MS4A10: variants seen among roughly 807,000 people sequenced by gnomAD.
MS4A10 encodes the protein membrane spanning 4-domains A10.
MS4A10 carries 27 observed loss-of-function variants against 27.7 expected under a neutral mutation model. The observed-to-expected ratio is 0.98, with a 90% confidence interval of 0.72 to 1.35. The LOEUF is 1.35. MS4A10 is among the 40% of genes most tolerant of loss of function. The probability of loss-of-function intolerance (pLI) is 0.00; values close to 1 mark genes in which losing one functional copy is unlikely to be tolerated. For missense variants in MS4A10, 338 were observed against 324.7 expected, an observed-to-expected ratio of 1.04 and a Z score of -0.32; for synonymous variants, 139 against 131.2, an observed-to-expected ratio of 1.06 and a Z score of -0.41.
At position 60,798,251 on chromosome 11, in the gene MS4A10, G is replaced by A. The variant is rs529607819; in HGVS notation, c.604-145G>A. 1.8e-4 allele frequency: 119 copies of A among 647,678 alleles called. No homozygotes were observed. In the South Asian group the frequency reaches 2.1e-3, roughly 11 times the overall value. The allele number at this position is 647,678 out of a possible 1,614,324, so 40.1% of individuals were successfully genotyped here. ...GGAGGGAGTCACACACTGGTCTATG[G>A]AAGTCGCTTCGTCTCTCAAGCCTCA... On this transcript the variant is annotated intron_variant, in intron 6 of 7. Transcript: ENST00000308287.
chr11:60,786,159 G>A (rs916397336), intron 1 of MS4A10, among the ~76,000 whole-genome samples: 5 of 143,720 alleles, frequency 3.5e-5, no homozygotes, highest in South Asian at 2.1e-4. Context: ...GCATGCACAT[G>A]CATGCACACA....
At chr11:60,790,205 AG>A (rs1399547804) in intron 1 of MS4A10, 108 bp from the exon 2 acceptor site, 1 of 908,452 alleles carries the variant, frequency 1.1e-6, no homozygotes, top group Non-Finnish European at 1.7e-6. Context: ...GGGCAACCAC[AG>A]TTCTGGAAAG....
intron 4 of MS4A10, among the ~76,000 whole-genome samples, chr11:60,792,611 C>G (rs184343146): frequency 1.3e-5 from 2 of 152,338 alleles, no homozygotes; most frequent in South Asian, 2.1e-4. Context: ...ATCTAGGACA[C>G]AACTTTGCTT....
At chr11:60,794,212 T>G in intron 5 of MS4A10, 109 bp downstream of exon 5, 1 of 1,308,740 alleles carries the variant, frequency 7.6e-7, no homozygotes, top group Non-Finnish European at 1.1e-6. Flanking sequence ...AGCCCAGGTG[T>G]GGGCTGCTGG....
chr11:60,797,361 T>C (rs1435409275), intron 6 of MS4A10, among the ~76,000 whole-genome samples: 1 of 152,212 alleles, frequency 6.6e-6, no homozygotes, highest in African/African-American at 2.4e-5. Context: ...AAATGACACC[T>C]GTATTACCCT....
At chr11:60,793,873 C>T in intron 4 of MS4A10, 99 bp from the exon 5 acceptor site, 2 of 1,382,594 alleles carry the variant, frequency 1.4e-6, no homozygotes, top group African/African-American at 1.4e-5. Flanking sequence ...CAGAGTCTCT[C>T]CTGAGGCTAC....
At chr11:60,795,476 C>T in intron 5 of MS4A10, 79 bp from the exon 6 acceptor site, 1 of 892,676 alleles carries the variant, frequency 1.1e-6, no homozygotes, top group South Asian at 2.6e-5. Flanking sequence ...AGCAAGGACC[C>T]CTGCCTGGCT....
rs1441240277 is a variant in MS4A10, at chr11:60,800,872, C to T, written c.*963C>T. ...GCTGTGGTGCAATCTCGGCTCACTGCAACCTCTGCCTCCCGAGTTCAAGCA... is the reference window on the plus strand; with the variant it reads ...GCTGTGGTGCAATCTCGGCTCACTGTAACCTCTGCCTCCCGAGTTCAAGCA... On this transcript the variant is annotated 3_prime_UTR_variant, in exon 8 of 8. Coordinates refer to ENST00000308287, the MANE Select transcript of MS4A10 (RefSeq NM_206893.4). The T allele has an allele frequency of 6.7e-6, 1 of 149,900 alleles. No individual in the cohort carries two copies. The highest frequency in any genetic ancestry group is 2.1e-4 in the South Asian group (1 of 4,654). The allele number at this position is 149,900 out of a possible 1,614,324, so 9.3% of individuals were successfully genotyped here. A position where few individuals can be genotyped will look rare whatever the true frequency, so the allele number is the denominator to read the frequency against.
At chr11:60,788,201 C>A (rs912436571) in intron 1 of MS4A10, among the ~76,000 whole-genome samples, 2 of 152,130 alleles carry the variant, frequency 1.3e-5, no homozygotes, top group Non-Finnish European at 2.9e-5. Context: ...GACCATGGAA[C>A]CCTTTTACTG....
Position 60,795,910 on chromosome 11 carries a change from A to T in MS4A10, c.603+245A>T, listed in dbSNP as rs10466665. 9.2e-5 allele frequency among the ~76,000 whole-genome samples: 14 copies of T among 152,152 alleles called. No homozygotes were observed. The East Asian group carries it at 2.7e-3, about 29-fold the overall frequency. ...CAGAGAGGAAACTCCATGGGTGCCC[A>T]GAACAAGAGGCTACTGTGCTGCCAG... On this transcript the variant is annotated intron_variant, in intron 6 of 7. Coordinates refer to ENST00000308287, the MANE Select transcript of MS4A10 (RefSeq NM_206893.4).
In MS4A10 at chr11:60,799,954, C is replaced by T. The variant is rs1366356072; in HGVS notation, c.*45C>T. On this transcript the variant is annotated 3_prime_UTR_variant, in exon 8 of 8. Coordinates refer to ENST00000308287, the MANE Select transcript of MS4A10 (RefSeq NM_206893.4). Reference sequence around the variant, plus strand: ...GCCCAAACTTGGTTGGAGCATAGCCCCTGCTCTCCCAAAGTTGCACTTTCA... The same window carrying T: ...GCCCAAACTTGGTTGGAGCATAGCCTCTGCTCTCCCAAAGTTGCACTTTCA... 1.2e-5 allele frequency: 19 copies of T among 1,613,368 alleles called. No individual in the cohort carries two copies. The highest frequency in any genetic ancestry group is 1.6e-5 in the Non-Finnish European group (19 of 1,179,660).
chr11:60,799,026 G>A (rs1291404573), intron 7 of MS4A10, among the ~76,000 whole-genome samples: 2 of 152,232 alleles, frequency 1.3e-5, no homozygotes, highest in Admixed American at 6.5e-5. Context: ...GATTTGGGCT[G>A]AGGGCAGCTG....
At chr11:60,793,769 C>A (rs1165519807) in intron 4 of MS4A10, among the ~76,000 whole-genome samples, 1 of 152,204 alleles carries the variant, frequency 6.6e-6, no homozygotes. Flanking sequence ...GCTGGACCCT[C>A]CTCAGTGGTC....
intron 4 of MS4A10, 134 bp from the exon 5 acceptor site, chr11:60,793,838 A>AG: frequency 6.2e-6 from 6 of 974,650 alleles, no homozygotes; most frequent in Non-Finnish European, 9.3e-6. Flanking sequence ...TGACAGGCAG[A>AG]GGGGGCCTTG....
chr11:60,791,199 G>A (rs892806899), intron 3 of MS4A10, 106 bp downstream of exon 3: 41 of 1,456,818 alleles, frequency 2.8e-5, no homozygotes, highest in Non-Finnish European at 3.2e-5. Flanking sequence ...AGAGCTAATA[G>A]GAGTGCGGCA....
intron 3 of MS4A10, 142 bp from the exon 4 acceptor site, chr11:60,792,123 C>T (rs1365770162): frequency 4.4e-6 from 3 of 682,256 alleles, no homozygotes; most frequent in East Asian, 2.6e-5. Context: ...GCAAGAGGAG[C>T]TCACTTTGCT....
intron 4 of MS4A10, among the ~76,000 whole-genome samples, chr11:60,793,644 G>A (rs1432499322): frequency 6.6e-6 from 1 of 152,242 alleles, no homozygotes; most frequent in Non-Finnish European, 1.5e-5. Context: ...GATGTAGGAT[G>A]GTCGGGGCTG....
intron 1 of MS4A10, among the ~76,000 whole-genome samples, chr11:60,786,679 G>C (rs560598351): frequency 6.6e-6 from 1 of 151,114 alleles, no homozygotes; most frequent in Middle Eastern, 3.4e-3. Context: ...TGATAGGGAT[G>C]GGGTGTACCA....
Position 60,795,601 on chromosome 11 carries a change from T to C in MS4A10, c.539T>C (p.Leu180Pro), listed in dbSNP as rs1366629663. The stretch of plus-strand genomic sequence containing the variant: ...CTGGCCTTGCTCTGCTTCACTGTCC[T>C]AGAGCTCTTCCTGCCAGTGCCCACA... Reference protein sequence around the residue: ...LELALLCFTVLELFLPVPTAV... With the variant: ...LELALLCFTVPELFLPVPTAV... Residue 180 changes from leucine (L) to proline (P), a missense_variant, in exon 6 of 8, where the codon CTA (leucine) becomes CCA (proline). By Grantham distance (98) the Leu-to-Pro change is moderately conservative (BLOSUM62 -3). Transcript: ENST00000308287. 1.9e-6 allele frequency: 3 copies of C among 1,595,666 alleles called. No individual in the cohort carries two copies. Among genetic ancestry groups the C allele is most frequent in the East Asian group, 2.3e-5 (1 of 43,194 alleles).
Sources: allele counts gnomAD v4.1 joint callset (sites outside exome capture counted in the v4.1 genomes callset), GRCh38; gene constraint gnomAD v4.1.1; transcripts MANE v1.5; gene names NCBI Gene and HGNC (gene_info 2026-07-23, HGNC 2026-07-21).